Variants in AUH observed in about 807,000 individuals in gnomAD.
The protein encoded by AUH is methylglutaconyl-CoA hydratase, mitochondrial.
In AUH, 29 loss-of-function variants were observed where a neutral mutation model predicts 42.3. The ratio of observed to expected loss-of-function variants is 0.69; its 90% CI spans 0.51 to 0.93. The LOEUF is 0.93. AUH is among the 40% of genes least tolerant of loss of function. The pLI, the probability that AUH is intolerant of heterozygous loss-of-function variation, is 0.00. For synonymous variants in AUH, 174 were observed against 166.4 expected (o/e 1.05, Z -0.35); for missense variants, 452 against 438.1 (o/e 1.03, Z -0.28).
Position 91,296,070 on chromosome 9 carries a change from A to G in AUH, c.606T>C (p.Ser202=). Residue 202 remains serine (S), a synonymous_variant, in exon 6 of 10, where the codon TCT becomes TCC. Transcript: ENST00000375731. The stretch of plus-strand genomic sequence containing the variant: ...TTGTTTCAACCAGGCCCATTTTTGC[A>G]GAGGAAGCTAAAACGAAAGAAAGAA... ...LACDIRVAAS[S]AKMGLVETKL... 6.2e-7 allele frequency: 1 copy of G among 1,614,076 alleles called. No homozygotes were observed. The highest frequency in any genetic ancestry group is 8.5e-7 in the Non-Finnish European group (1 of 1,179,990).
At chr9:91,340,792 C>G (rs549388918) in intron 3 of AUH, among the ~76,000 whole-genome samples, 2 of 152,156 alleles carry the variant, frequency 1.3e-5, no homozygotes, top group Non-Finnish European at 2.9e-5. Context: ...CTGGAACAAA[C>G]AGAGAAAACT....
At chr9:91,333,363 T>G (rs1402504610) in intron 3 of AUH, among the ~76,000 whole-genome samples, 6 of 152,242 alleles carry the variant, frequency 3.9e-5, no homozygotes, top group Non-Finnish European at 1.5e-5. Context: ...CAACAAAATG[T>G]GTATGCAAAT....
At chr9:91,263,581 T>G (rs983735478) in intron 6 of AUH, among the ~76,000 whole-genome samples, 1 of 152,198 alleles carries the variant, frequency 6.6e-6, no homozygotes, top group African/African-American at 2.4e-5. Context: ...TAGGAAATAT[T>G]TTAAGTGTTT....
At chr9:91,263,526 T>C (rs1423641782) in intron 6 of AUH, among the ~76,000 whole-genome samples, 2 of 152,226 alleles carry the variant, frequency 1.3e-5, no homozygotes, top group Non-Finnish European at 2.9e-5. Flanking sequence ...AAACTAACTC[T>C]TTAACAAAAC....
intron 6 of AUH, among the ~76,000 whole-genome samples, chr9:91,230,924 G>T (rs1277044656): frequency 1.3e-5 from 2 of 152,208 alleles, no homozygotes; most frequent in African/African-American, 4.8e-5. Context: ...CCGATCTCCA[G>T]CTGCCTACTG....
chr9:91,274,985 G>C (rs1284850511), intron 6 of AUH, among the ~76,000 whole-genome samples: 1 of 152,200 alleles, frequency 6.6e-6, no homozygotes, highest in Non-Finnish European at 1.5e-5. Context: ...AATTAGGCAA[G>C]GAAGGGGCTG....
chr9:91,304,240 T>C (rs910629838), intron 4 of AUH, among the ~76,000 whole-genome samples: 1 of 152,204 alleles, frequency 6.6e-6, no homozygotes, highest in Non-Finnish European at 1.5e-5. Flanking sequence ...CCCTCTCACA[T>C]GCTTTTTTAT....
intron 3 of AUH, among the ~76,000 whole-genome samples, chr9:91,350,762 A>T (rs1252454021): frequency 6.6e-6 from 1 of 152,026 alleles, no homozygotes; most frequent in Non-Finnish European, 1.5e-5. Context: ...TCATCTCAAA[A>T]AAAAAAAACA....
intron 6 of AUH, among the ~76,000 whole-genome samples, chr9:91,269,547 C>A (rs1824942519): frequency 6.6e-6 from 1 of 152,202 alleles, no homozygotes; most frequent in Non-Finnish European, 1.5e-5. Flanking sequence ...ATTCTAATTT[C>A]AATAGAAACC....
chr9:91,250,412 C>CAT (rs2131382942), intron 6 of AUH, among the ~76,000 whole-genome samples: 1 of 152,340 alleles, frequency 6.6e-6, no homozygotes, highest in South Asian at 2.1e-4. Flanking sequence ...TTGTTCACTG[C>CAT]ATGTCCTGAC....
intron 3 of AUH, among the ~76,000 whole-genome samples, chr9:91,348,071 TA>T (rs139827451): frequency 4.4e-5 from 6 of 137,450 alleles, no homozygotes; most frequent in Non-Finnish European, 6.3e-5. Context: ...ATCAAGAATA[TA>T]AAAAAAAACA....
At chr9:91,276,423 A>C (rs954831930) in intron 6 of AUH, among the ~76,000 whole-genome samples, 38 of 152,248 alleles carry the variant, frequency 2.5e-4, no homozygotes, top group African/African-American at 8.9e-4. Flanking sequence ...CCAAAAAAAA[A>C]AAAAAAAGAG....
At chr9:91,321,966 C>T (rs188471572) in intron 4 of AUH, among the ~76,000 whole-genome samples, 204 of 152,246 alleles carry the variant, frequency 1.3e-3, no homozygotes, top group Admixed American at 3.1e-3. Context: ...TAAAGCCTGC[C>T]TGCCTGTGAT....
intron 6 of AUH, among the ~76,000 whole-genome samples, chr9:91,258,712 A>T (rs1292988796): frequency 6.6e-6 from 1 of 152,220 alleles, no homozygotes; most frequent in Non-Finnish European, 1.5e-5. Flanking sequence ...GCCTTCTGTC[A>T]GTTTGAGGAA....
intron 1 of AUH, 63 bp downstream of exon 1, chr9:91,361,565 A>T: frequency 6.5e-7 from 1 of 1,542,898 alleles, no homozygotes. Context: ...GCTGCACCTT[A>T]TGCCCGTCCT....
At chr9:91,274,070 G>A (rs1465136553) in intron 6 of AUH, among the ~76,000 whole-genome samples, 2 of 152,110 alleles carry the variant, frequency 1.3e-5, no homozygotes, top group African/African-American at 4.8e-5. Flanking sequence ...CTGAAACTGT[G>A]CCTATTGAAA....
chr9:91,344,525 T>G (rs1049533595), intron 3 of AUH, among the ~76,000 whole-genome samples: 6 of 152,190 alleles, frequency 3.9e-5, no homozygotes, highest in African/African-American at 1.4e-4. Context: ...GTTACAGAAT[T>G]TGACTTTTCA....
intron 6 of AUH, among the ~76,000 whole-genome samples, chr9:91,285,651 C>T (rs1477875451): frequency 6.6e-6 from 1 of 152,022 alleles, no homozygotes; most frequent in Non-Finnish European, 1.5e-5. Flanking sequence ...ATTACTAAGT[C>T]CTACATAAAC....
intron 6 of AUH, among the ~76,000 whole-genome samples, chr9:91,248,965 TC>T (rs1200934101): frequency 6.6e-6 from 1 of 152,120 alleles, no homozygotes; most frequent in Non-Finnish European, 1.5e-5. Context: ...AGTGGATACC[TC>T]CATGTAAATT....
Sources: gnomAD v4.1 joint callset for allele counts (sites outside exome capture counted in the v4.1 genomes callset) on GRCh38, gnomAD v4.1.1 for gene constraint, MANE v1.5 for transcripts, NCBI Gene and HGNC (gene_info 2026-07-23, HGNC 2026-07-21) for gene names.